BCLAF3: variants seen among roughly 807,000 people sequenced by gnomAD.
BCLAF3 encodes BCLAF1 and THRAP3 family member 3.
A neutral mutation model predicts 51.2 loss-of-function variants in BCLAF3; 24 were observed. The observed-to-expected ratio is 0.47, with a 90% CI of 0.34 to 0.66. BCLAF3 has a LOEUF of 0.66. Ranked by LOEUF, BCLAF3 falls within the 30% of genes least tolerant of loss-of-function variation. BCLAF3 has a pLI of 0.01. For missense variants in BCLAF3, 465 were observed against 525.1 expected (o/e 0.89, Z 1.12); for synonymous variants, 152 against 176.6 (o/e 0.86, Z 1.10).
chrX:19,951,595 C>CAA (rs58442337), intron 7 of BCLAF3, among the ~76,000 whole-genome samples: 1 of 38,025 alleles, frequency 2.6e-5, no homozygotes, highest in Admixed American at 3.4e-4. Context: ...GACTCTGTCG[C>CAA]AAAAAAAAAA....
intron 10 of BCLAF3, among the ~76,000 whole-genome samples, chrX:19,930,835 G>C (rs748274531): frequency 9.0e-6 from 1 of 111,712 alleles, no homozygotes; most frequent in African/African-American, 3.2e-5. Context: ...GTGAGACCCT[G>C]TCTCTACAAA....
In BCLAF3 at chrX:19,966,138, A is replaced by T; in HGVS notation, c.553T>A (p.Ser185Thr). 8.3e-7 allele frequency: 1 copy of T among 1,211,445 alleles called. No homozygotes were observed. The highest frequency in any genetic ancestry group is 1.1e-6 in the Non-Finnish European group (1 of 895,377). ...TCAGAGCCTCTTCTAGTTGACTGGG[A>T]GTATTTTTCTTCTTGTATCCTCTGG... ...RHQRIQEEKY[S>T]QSTRRGSEDF... The change falls in exon 3 of 12, where the codon TCC (serine) becomes ACC (threonine). Residue 185 changes from serine to threonine, a missense_variant. Coordinates refer to ENST00000379682, the MANE Select transcript of BCLAF3 (RefSeq NM_001367774.2).
At chrX:19,920,169 T>G (rs1032933158) in intron 11 of BCLAF3, among the ~76,000 whole-genome samples, 2 of 111,954 alleles carry the variant, frequency 1.8e-5, no homozygotes, top group African/African-American at 6.5e-5. Flanking sequence ...AGGGTGGTAA[T>G]GTATCGCATG....
chrX:19,958,236 A>G (rs902605049), intron 4 of BCLAF3, among the ~76,000 whole-genome samples: 2 of 112,021 alleles, frequency 1.8e-5, no homozygotes. Context: ...AATAACCAAG[A>G]AAATGTAAAA....
intron 6 of BCLAF3, 114 bp downstream of exon 6, chrX:19,953,664 C>A: frequency 2.2e-6 from 1 of 455,995 alleles, no homozygotes; most frequent in Non-Finnish European, 3.6e-6. Context: ...AAATGCAATC[C>A]TACAGTCTAC....
rs1160132246 is a variant in BCLAF3, at chrX:19,915,120, ACTTCT to A, written c.*2180_*2184del. On this transcript the variant is annotated 3_prime_UTR_variant, in exon 12 of 12. Coordinates refer to ENST00000379682, the MANE Select transcript of BCLAF3 (RefSeq NM_001367774.2). ...ATCAAAAAAAAGAAAAAAAAAAAAA[ACTTCT>A]CTTCTCAAGTCTTATGCATTCAAGA... 2.7e-5 allele frequency: 3 copies of A among 110,702 alleles called. No homozygotes were observed. Among genetic ancestry groups the A allele is most frequent in the Admixed American group, 9.7e-5 (1 of 10,305 alleles). The allele number at this position is 110,702 out of a possible 1,213,427, so 9.1% of individuals were successfully genotyped here.
intron 11 of BCLAF3, among the ~76,000 whole-genome samples, chrX:19,920,925 A>G (rs1043623249): frequency 9.0e-6 from 1 of 111,613 alleles, no homozygotes; most frequent in Non-Finnish European, 1.9e-5. Context: ...AATGAAACAC[A>G]AGTTATAGTG....
intron 1 of BCLAF3, among the ~76,000 whole-genome samples, chrX:19,984,657 C>A (rs1262471034): frequency 1.8e-5 from 2 of 111,193 alleles, no homozygotes; most frequent in East Asian, 5.6e-4. Context: ...TACTATTAAG[C>A]AACTCCTGGG....
chrX:19,933,437 T>A (rs1178756206), intron 10 of BCLAF3, among the ~76,000 whole-genome samples: 1 of 112,306 alleles, frequency 8.9e-6, no homozygotes, highest in Non-Finnish European at 1.9e-5. Context: ...GCAAATGATG[T>A]ATTACAACGG....
chrX:19,941,416 A>C (rs1424025225), intron 8 of BCLAF3, among the ~76,000 whole-genome samples: 66 of 101,416 alleles, frequency 6.5e-4, no homozygotes, highest in Non-Finnish European at 5.8e-5. Flanking sequence ...TCTAACGTTT[A>C]AATCTTTAAT....
intron 2 of BCLAF3, among the ~76,000 whole-genome samples, chrX:19,970,018 C>T (rs1412225718): frequency 8.9e-6 from 1 of 112,453 alleles, no homozygotes; most frequent in Non-Finnish European, 1.9e-5. Context: ...GTGGCCACTG[C>T]ACTGCTTTTC....
chrX:19,931,285 C>A (rs1307908963), intron 10 of BCLAF3, among the ~76,000 whole-genome samples: 1 of 111,500 alleles, frequency 9.0e-6, no homozygotes, highest in African/African-American at 3.3e-5. Flanking sequence ...CCAAACAATT[C>A]TCCAAGTCTC....
rs909445724 is a variant in BCLAF3, at chrX:19,915,607, C to G, written c.*1698G>C. 7.2e-5 allele frequency: 8 copies of G among 111,740 alleles called. No homozygotes were observed. Among genetic ancestry groups the G allele is most frequent in the African/African-American group, 2.6e-4 (8 of 30,757 alleles). 9.2% of individuals were successfully genotyped at this position (111,740 alleles called of 1,213,427 possible). A position where few individuals can be genotyped will look rare whatever the true frequency, so the allele number is the denominator to read the frequency against. ...AAAGGCGATTTACCAAGTTATATTT[C>G]TGTTTAATGTCCATTTTTCCTATTA... On this transcript the variant is annotated 3_prime_UTR_variant, in exon 12 of 12. Transcript: ENST00000379682.
At chrX:19,931,525 T>G (rs1333651892) in intron 10 of BCLAF3, among the ~76,000 whole-genome samples, 6 of 111,390 alleles carry the variant, frequency 5.4e-5, no homozygotes, top group African/African-American at 2.0e-4. Context: ...TCAATTAAAT[T>G]CTCCTATAGA....
chrX:19,965,195 TCTTTA>T lies in BCLAF3; in HGVS notation c.1118_1122del (p.Ile373LysfsTer6). ...CTCTCTTTTCTACAATCCCCTTCTT[TCTTTA>T]TTTTTTCCTTCCATTTGTCATTACT... On this transcript the variant is annotated frameshift_variant, in exon 4 of 12. Transcript: ENST00000379682. LOFTEE classifies it high-confidence loss of function. 1 of 1,205,687 alleles carries T rather than the reference TCTTTA, an allele frequency of 8.3e-7. No individual in the cohort carries two copies. The highest frequency in any genetic ancestry group is 3.0e-5 in the East Asian group (1 of 33,795).
At chrX:19,989,560 T>C (rs2148082470) in intron 1 of BCLAF3, among the ~76,000 whole-genome samples, 1 of 112,400 alleles carries the variant, frequency 8.9e-6, no homozygotes, top group East Asian at 2.8e-4. Context: ...GAACTGAGAA[T>C]GACCAATGAA....
At chrX:19,934,342 A>AG (rs764386202) in intron 10 of BCLAF3, among the ~76,000 whole-genome samples, 50 of 112,389 alleles carry the variant, frequency 4.4e-4, no homozygotes, top group African/African-American at 1.5e-3. Flanking sequence ...AACAACATGT[A>AG]GGAAGCACTT....
chrX:19,983,867 G>A (rs1318182634), intron 1 of BCLAF3, among the ~76,000 whole-genome samples: 1 of 108,414 alleles, frequency 9.2e-6, no homozygotes, highest in Non-Finnish European at 1.9e-5. Context: ...TCAGGAGTTC[G>A]AGACCAGCCT....
At chrX:19,969,641 A>G (rs1357381430) in intron 2 of BCLAF3, among the ~76,000 whole-genome samples, 2 of 111,939 alleles carry the variant, frequency 1.8e-5, no homozygotes, top group African/African-American at 6.5e-5. Context: ...ATAGTTGGCC[A>G]TGGTGTCAAT....
Sources: allele counts gnomAD v4.1 joint callset (sites outside exome capture counted in the v4.1 genomes callset), GRCh38; gene constraint gnomAD v4.1.1; transcripts MANE v1.5; gene names NCBI Gene and HGNC (gene_info 2026-07-23, HGNC 2026-07-21).